The following PTCHD4 variants were observed in gnomAD, a reference collection of about 807,000 sequenced individuals.
PTCHD4 encodes the protein patched domain-containing protein 4.
In PTCHD4, 33 loss-of-function variants were observed where a neutral mutation model predicts 58.1. The ratio of observed to expected loss-of-function variants is 0.57; its 90% CI spans 0.43 to 0.76. The LOEUF is 0.76. PTCHD4 is among the 30% of genes least tolerant of loss of function. The pLI, the probability that PTCHD4 is intolerant of heterozygous loss-of-function variation, is 0.00. For synonymous variants in PTCHD4, 478 were observed against 409.6 expected, an observed-to-expected ratio of 1.17 and a Z score of -2.02; for missense variants, 1,058 against 1,027.1, an observed-to-expected ratio of 1.03 and a Z score of -0.41.
At chr6:47,922,380 C>G (rs138994346) in intron 4 of PTCHD4, among the ~76,000 whole-genome samples, 7 of 152,290 alleles carry the variant, frequency 4.6e-5, no homozygotes, top group Admixed American at 3.3e-4. Context: ...CCATTCCTTT[C>G]TCTCTTCACC....
intron 1 of PTCHD4, among the ~76,000 whole-genome samples, chr6:48,082,530 C>A (rs1022181163): frequency 2.0e-5 from 3 of 152,140 alleles, no homozygotes; most frequent in African/African-American, 7.2e-5. Context: ...ATTCAAATAG[C>A]ACATATGCCC....
chr6:48,044,048 G>A (rs954839144), intron 3 of PTCHD4, among the ~76,000 whole-genome samples: 15 of 151,990 alleles, frequency 9.9e-5, no homozygotes, highest in African/African-American at 3.6e-4. Flanking sequence ...ACAGGACCCA[G>A]TGAAATTCTT....
At chr6:47,982,800 C>G (rs1474681043) in intron 4 of PTCHD4, among the ~76,000 whole-genome samples, 1 of 152,112 alleles carries the variant, frequency 6.6e-6, no homozygotes, top group Non-Finnish European at 1.5e-5. Flanking sequence ...TGTTTTATCT[C>G]TTTAGCCCCT....
At chr6:48,083,669 G>A (rs1176955068) in intron 1 of PTCHD4, among the ~76,000 whole-genome samples, 2 of 152,184 alleles carry the variant, frequency 1.3e-5, no homozygotes, top group Non-Finnish European at 2.9e-5. Flanking sequence ...GAGATTAGAA[G>A]CATGAGAGGC....
At chr6:48,057,190 G>GTT (rs759146154) in intron 3 of PTCHD4, among the ~76,000 whole-genome samples, 1 of 143,908 alleles carries the variant, frequency 6.9e-6, no homozygotes, top group Non-Finnish European at 1.5e-5. Flanking sequence ...GTTTTTTTTT[G>GTT]TTTTTTTTGT....
At position 47,919,262 on chromosome 6, in the gene PTCHD4, C is replaced by A. The variant is rs1765357387; in HGVS notation, c.899-39326G>T. 2.6e-5 allele frequency among the ~76,000 whole-genome samples: 4 copies of A among 152,208 alleles called. 1 individual carries two copies. The highest frequency in any genetic ancestry group is 6.5e-5 in the Admixed American group (1 of 15,274). On this transcript the variant is annotated intron_variant, in intron 4 of 4. Coordinates refer to ENST00000339488, the MANE Select transcript of PTCHD4 (RefSeq NM_001384253.1). ...AGCCTGTGATATATCAGTCACTGTT[C>A]TAATGATGAATTTGATGGAAAACAA...
rs1358805470 is a variant in PTCHD4 at position 47,876,548 on chromosome 6, T to C, written c.*1755A>G. Among the ~76,000 whole-genome samples the C allele has an allele frequency of 6.6e-6, 1 of 152,032 alleles. No homozygotes were observed. Among genetic ancestry groups the C allele is most frequent in the East Asian group, 1.9e-4 (1 of 5,160 alleles). ...TCCAGAGACTATAACGAGAATGGAA[T>C]GGTTTGTACCTTTTTTCTGAACATA... On this transcript the variant is annotated 3_prime_UTR_variant, in exon 5 of 5. Coordinates refer to ENST00000339488, the MANE Select transcript of PTCHD4 (RefSeq NM_001384253.1).
chr6:47,859,885 A>G lies in PTCHD4; in HGVS notation c.*18418T>C, dbSNP rs1763381403. On this transcript the variant is annotated 3_prime_UTR_variant, in exon 5 of 5. Coordinates refer to ENST00000339488, the MANE Select transcript of PTCHD4 (RefSeq NM_001384253.1). ...GTGGTGGGAACTGCAATGACAAAAG[A>G]CCAAAGGGGGTGCATGGTTGATGCA... Among the ~76,000 whole-genome samples, 1 of 151,954 alleles carries G rather than the reference A, an allele frequency of 6.6e-6. No homozygotes were observed. Among genetic ancestry groups the G allele is most frequent in the Non-Finnish European group, 1.5e-5 (1 of 67,956 alleles).
At chr6:47,983,070 C>T (rs1283303985) in intron 4 of PTCHD4, among the ~76,000 whole-genome samples, 1 of 151,986 alleles carries the variant, frequency 6.6e-6, no homozygotes, top group Non-Finnish European at 1.5e-5. Context: ...AATGGAGATA[C>T]TGTTGGAGGA....
intron 1 of PTCHD4, among the ~76,000 whole-genome samples, chr6:48,105,744 G>A (rs377113216): frequency 1.3e-5 from 2 of 152,100 alleles, no homozygotes; most frequent in East Asian, 1.9e-4. Context: ...TCAAAGAGAC[G>A]CAATAAAAAA....
In PTCHD4 at chr6:48,069,128, T is replaced by G. The variant is rs1036901233; in HGVS notation, c.-171A>C. ...GCCTCGGTGTTGTAAGAAGCAGACA[T>G]GTGCCCCATAAAGGGGGGGGGGGCT... On this transcript the variant is annotated 5_prime_UTR_variant, in exon 2 of 5. An upstream start codon of the reference 5' UTR is lost. Transcript: ENST00000339488. Among the ~76,000 whole-genome samples, 2 of 98,198 alleles carry G rather than the reference T, an allele frequency of 2.0e-5. No homozygotes were observed. Among genetic ancestry groups the G allele is most frequent in the Non-Finnish European group, 3.7e-5 (2 of 53,922 alleles). The allele number at this position is 98,198 out of a possible 152,430, so 64.4% of individuals were successfully genotyped here.
rs1399783816 is a variant in PTCHD4 at position 47,933,430 on chromosome 6, A to C, written c.899-53494T>G. On this transcript the variant is annotated intron_variant, in intron 4 of 4. Transcript: ENST00000339488. ...CTCTTCAAGGGCCCACATTTTGTGC[A>C]CTGGAGAGAGCTTGGCTGAAATCAT... is the stretch of plus-strand genomic sequence containing the variant. Among the ~76,000 whole-genome samples, 4 of 152,240 alleles carry C rather than the reference A, an allele frequency of 2.6e-5. No homozygotes were observed. In the East Asian group the frequency reaches 7.7e-4, roughly 29 times the overall value.
At chr6:48,000,005 T>C (rs1768657464) in intron 4 of PTCHD4, among the ~76,000 whole-genome samples, 1 of 152,206 alleles carries the variant, frequency 6.6e-6, no homozygotes, top group African/African-American at 2.4e-5. Flanking sequence ...GCCAATAGAA[T>C]GTATAAGAAG....
intron 1 of PTCHD4, among the ~76,000 whole-genome samples, chr6:48,086,160 C>G (rs1765259827): frequency 6.6e-6 from 1 of 152,160 alleles, no homozygotes; most frequent in Non-Finnish European, 1.5e-5. Flanking sequence ...GTGTCACATA[C>G]TCGACTCTGA....
rs1765105227 is a variant in PTCHD4, at chr6:47,912,600, GA to G, written c.899-32665del. ...TATTACCTTCCTTCATACCTTCTTT[GA>G]ATGTTTTCTTTTTCAGACATTTAAT... On this transcript the variant is annotated intron_variant, in intron 4 of 4. Coordinates refer to ENST00000339488, the MANE Select transcript of PTCHD4 (RefSeq NM_001384253.1). Among the ~76,000 whole-genome samples, 3 of 151,780 alleles carry G rather than the reference GA, an allele frequency of 2.0e-5. No individual in the cohort carries two copies. The South Asian group carries it at 6.2e-4, about 31-fold the overall frequency.
intron 3 of PTCHD4, among the ~76,000 whole-genome samples, chr6:48,048,878 A>C (rs552246763): frequency 1.3e-5 from 2 of 152,054 alleles, no homozygotes; most frequent in African/African-American, 4.8e-5. Flanking sequence ...AGTGGCTTTC[A>C]CTGGGAATCC....
intron 4 of PTCHD4, among the ~76,000 whole-genome samples, chr6:47,984,031 ACAT>A (rs1190908061): frequency 6.6e-6 from 1 of 152,190 alleles, no homozygotes; most frequent in Non-Finnish European, 1.5e-5. Context: ...TTTGTGACAA[ACAT>A]CATCAATAAG....
intron 4 of PTCHD4, among the ~76,000 whole-genome samples, chr6:47,927,251 C>T (rs1053606898): frequency 5.9e-5 from 9 of 152,216 alleles, no homozygotes; most frequent in Non-Finnish European, 1.0e-4. Flanking sequence ...GAGGCAAAAT[C>T]TCTGTGGGGC....
chr6:47,953,039 A>G (rs886385903), intron 4 of PTCHD4, among the ~76,000 whole-genome samples: 9 of 139,330 alleles, frequency 6.5e-5, no homozygotes, highest in Admixed American at 4.4e-4. Context: ...GAAGAATACT[A>G]AACTACTGTA....
Sources: gnomAD v4.1 joint callset for allele counts (sites outside exome capture counted in the v4.1 genomes callset) on GRCh38, gnomAD v4.1.1 for gene constraint, MANE v1.5 for transcripts, NCBI Gene and HGNC (gene_info 2026-07-23, HGNC 2026-07-21) for gene names.